The following SACS variants were observed in gnomAD, a reference collection of about 807,000 sequenced individuals.
SACS encodes sacsin molecular chaperone, also known as sacsin.
In SACS, 197 loss-of-function variants were observed where a neutral mutation model predicts 348.0. The ratio of observed to expected loss-of-function variants is 0.57; its 90% CI spans 0.50 to 0.64. SACS has a LOEUF of 0.64. Ranked by LOEUF, SACS falls within the 30% of genes least tolerant of loss-of-function variation. The pLI, the probability that SACS is intolerant of heterozygous loss-of-function variation, is 0.00. For missense variants in SACS, 4,999 were observed against 5,360.8 expected (o/e 0.93, Z 2.11); for synonymous variants, 1,985 against 1,910.6 (o/e 1.04, Z -1.02).
chr13:23,410,257 A>G (rs1873426084), intron 2 of SACS, among the ~76,000 whole-genome samples: 2 of 152,230 alleles, frequency 1.3e-5, no homozygotes, highest in Admixed American at 1.3e-4. Flanking sequence ...AATATGGAAA[A>G]CAATGAAATA....
rs775893158 is a variant in SACS at position 23,369,548 on chromosome 13, C to CT, written c.260-1062dup. 5.1e-3 allele frequency among the ~76,000 whole-genome samples: 736 copies of CT among 143,822 alleles called. 5 individuals are homozygous for CT. Among genetic ancestry groups the CT allele is most frequent in the Non-Finnish European group, 6.5e-3 (424 of 65,146 alleles). 94.4% of individuals were successfully genotyped at this position (143,822 alleles called of 152,430 possible). On this transcript the variant is annotated intron_variant, in intron 4 of 9. Coordinates refer to ENST00000382292, the MANE Select transcript of SACS (RefSeq NM_014363.6). ...TCCACAGACTTCTATCCCACCCATTCTTTTTTTTTTTTTTCAGACGGACTC... is the reference window on the plus strand; with the variant it reads ...TCCACAGACTTCTATCCCACCCATTCTTTTTTTTTTTTTTTCAGACGGACTC...
intron 2 of SACS, among the ~76,000 whole-genome samples, chr13:23,380,911 T>C (rs998781235): frequency 3.3e-5 from 5 of 152,196 alleles, no homozygotes; most frequent in Admixed American, 3.3e-4. Context: ...GCGCCAGAGA[T>C]GGACAAATTT....
Position 23,335,285 on chromosome 13 carries a change from G to A in SACS, c.8591C>T (p.Pro2864Leu), listed in dbSNP as rs1190204878. 5.0e-6 allele frequency: 8 copies of A among 1,613,748 alleles called. No individual in the cohort carries two copies. The highest frequency in any genetic ancestry group is 6.8e-6 in the Non-Finnish European group (8 of 1,179,868). ...AACITHNYKK[P>L]HRAFCFLPLS... ...AGGCAAAAAACAGAAGGCCCTATGG[G>A]GTTTTTTATAGTTGTGAGTAATGCA... is the stretch of plus-strand genomic sequence containing the variant. Residue 2864 changes from proline to leucine, a missense_variant, in exon 10 of 10, where the codon CCC becomes CTC. Pro to Leu is a moderately conservative substitution (Grantham distance 98). Transcript: ENST00000382292. The surrounding 1 kb of genome is among the most constrained non-coding windows in gnomAD (Gnocchi z 4.7).
intron 2 of SACS, among the ~76,000 whole-genome samples, chr13:23,381,355 GCACACA>G (rs71100174): frequency 0.075 from 10,523 of 139,928 alleles, 468 homozygotes; most frequent in East Asian, 0.12. Context: ...GCAGCACGAA[GCACACA>G]CACACACACA....
chr13:23,371,842 G>T (rs889004917), intron 3 of SACS, among the ~76,000 whole-genome samples: 1 of 152,172 alleles, frequency 6.6e-6, no homozygotes, highest in African/African-American at 2.4e-5. Context: ...AGAGGGACAG[G>T]AATACAGGCT....
chr13:23,371,268 G>C (rs764136238), intron 3 of SACS, 103 bp from the exon 4 acceptor site: 3 of 532,038 alleles, frequency 5.6e-6, no homozygotes, highest in Non-Finnish European at 9.5e-6. Flanking sequence ...TGCTTGTTAA[G>C]TCTTCTTATC....
At chr13:23,417,807 A>C (rs1029189239) in intron 1 of SACS, among the ~76,000 whole-genome samples, 8 of 152,072 alleles carry the variant, frequency 5.3e-5, no homozygotes, top group African/African-American at 1.9e-4. Flanking sequence ...GGTGGCTCAC[A>C]CCTGTAATCC....
intron 2 of SACS, among the ~76,000 whole-genome samples, chr13:23,385,766 C>T (rs1872268076): frequency 1.3e-5 from 2 of 152,232 alleles, no homozygotes; most frequent in South Asian, 4.2e-4. Flanking sequence ...GCAGCTATAG[C>T]CTCATAAAAT....
At chr13:23,388,866 T>G (rs9550964) in intron 2 of SACS, among the ~76,000 whole-genome samples, 31,484 of 151,860 alleles carry the variant, frequency 0.21, 3,431 homozygotes, top group South Asian at 0.34. Context: ...ACCACTTGTA[T>G]CCCTAAAACT....
chr13:23,418,060 C>CAAAAAA (rs34026983), intron 1 of SACS, among the ~76,000 whole-genome samples: 1 of 119,114 alleles, frequency 8.4e-6, no homozygotes, highest in Non-Finnish European at 1.7e-5. Context: ...GATTCTGTCT[C>CAAAAAA]AAAAAAAAAA....
At chr13:23,418,061 A>C (rs1328764978) in intron 1 of SACS, among the ~76,000 whole-genome samples, 1 of 30,604 alleles carries the variant, frequency 3.3e-5, no homozygotes, top group East Asian at 5.0e-4. Flanking sequence ...ATTCTGTCTC[A>C]AAAAAAAAAA....
At position 23,368,393 on chromosome 13, in the gene SACS, G is replaced by A; in HGVS notation, c.345+9C>T. 4 of 1,591,232 alleles carry A rather than the reference G, an allele frequency of 2.5e-6. No homozygotes were observed. The South Asian group carries it at 4.5e-5, about 18-fold the overall frequency. On this transcript the variant is annotated intron_variant, in intron 5 of 9. Coordinates refer to ENST00000382292, the MANE Select transcript of SACS (RefSeq NM_014363.6). The stretch of plus-strand genomic sequence containing the variant: ...AGTAAATAACACATGAACACGACAT[G>A]TGCCCCACCTTAAGAATCTGTCCTC...
intron 1 of SACS, among the ~76,000 whole-genome samples, chr13:23,432,117 T>A (rs1483075565): frequency 6.6e-6 from 1 of 152,154 alleles, no homozygotes; most frequent in Non-Finnish European, 1.5e-5. Context: ...AGAGTAAGGA[T>A]GTGGTAGACC....
rs528615431 is a variant in SACS, at chr13:23,392,744, G to A, written c.21-17475C>T. ...CAATTTGTTTTCTCCTAAAGGAGGC[G>A]GAAGGATATTTGTTGAGAGTTTTGT... On this transcript the variant is annotated intron_variant, in intron 2 of 9. Transcript: ENST00000382292. Among the ~76,000 whole-genome samples the A allele has an allele frequency of 8.5e-5, 13 of 152,280 alleles. No homozygotes were observed. In the South Asian group the frequency reaches 2.1e-3, roughly 24 times the overall value.
chr13:23,330,308 A>T lies in SACS; in HGVS notation c.13568T>A (p.Val4523Asp). ...SQQLEGLTND[V>D]HTLEAYGVDS... ...TACACCATAAGCTTCCAATGTGTGA[A>T]CATCATTTGTCAGTCCTTCAAGTTG... Residue 4523 changes from valine (V) to aspartate (D), a missense_variant, in exon 10 of 10, where the codon GTT becomes GAT. Coordinates refer to ENST00000382292, the MANE Select transcript of SACS (RefSeq NM_014363.6). 2 of 1,614,204 alleles carry T rather than the reference A, an allele frequency of 1.2e-6. No homozygotes were observed. Among genetic ancestry groups the T allele is most frequent in the Non-Finnish European group, 1.7e-6 (2 of 1,180,020 alleles).
chr13:23,332,215 A>G lies in SACS; in HGVS notation c.11661T>C (p.Ser3887=), dbSNP rs1883521747. 6.2e-7 allele frequency: 1 copy of G among 1,613,790 alleles called. No individual in the cohort carries two copies. Among genetic ancestry groups the G allele is most frequent in the Admixed American group, 1.7e-5 (1 of 59,994 alleles). The part of the protein sequence containing the change: ...VKRVVSGLFR[S]LQNDSVKVRS... ...TCACCTTGACTGAATCATTCTGTAG[A>G]CTCCTGAACAGACCAGAAACTACTC... The change falls in exon 10 of 10, where the codon AGT becomes AGC. Residue 3887 remains serine (S), a synonymous_variant. Coordinates refer to ENST00000382292, the MANE Select transcript of SACS (RefSeq NM_014363.6).
intron 4 of SACS, 60 bp from the exon 5 acceptor site, chr13:23,368,547 T>A: frequency 2.5e-6 from 3 of 1,184,900 alleles, no homozygotes; most frequent in Non-Finnish European, 3.7e-6. Context: ...TTGTCACCAA[T>A]GTGTGACTTG....
intron 6 of SACS, 121 bp from the exon 7 acceptor site, chr13:23,358,602 G>T: frequency 1.0e-6 from 1 of 1,001,840 alleles, no homozygotes; most frequent in Non-Finnish European, 1.5e-6. Context: ...AGTGAATAGA[G>T]TGACTGAATT....
intron 3 of SACS, among the ~76,000 whole-genome samples, chr13:23,374,503 C>A (rs1871617641): frequency 6.6e-6 from 1 of 152,212 alleles, no homozygotes; most frequent in Non-Finnish European, 1.5e-5. Context: ...AGTTAACTGT[C>A]AGTAAAATGT....
Sources: allele counts gnomAD v4.1 joint callset (sites outside exome capture counted in the v4.1 genomes callset), GRCh38; gene constraint gnomAD v4.1.1; non-coding constraint Gnocchi (gnomAD v3.1); transcripts MANE v1.5; gene names NCBI Gene and HGNC (gene_info 2026-07-23, HGNC 2026-07-21).